The following GALNT13 variants were observed in gnomAD, a reference collection of about 807,000 sequenced individuals.
GALNT13 encodes the protein UDP-GalNAc:polypeptide N-acetylgalactosaminyltransferase 13.
In GALNT13, 28 loss-of-function variants were observed where a neutral mutation model predicts 64.2. The observed-to-expected ratio is 0.44, with a 90% CI of 0.32 to 0.60. The LOEUF is 0.60. GALNT13 is among the 20% of genes least tolerant of loss of function. The pLI, the probability that GALNT13 is intolerant of heterozygous loss-of-function variation, is 0.05. For missense variants in GALNT13, 577 were observed against 669.8 expected (o/e 0.86, Z 1.53); for synonymous variants, 214 against 224.6 (o/e 0.95, Z 0.42).
chr2:154,312,221 G>C (rs963345245), intron 9 of GALNT13, among the ~76,000 whole-genome samples: 1 of 152,028 alleles, frequency 6.6e-6, no homozygotes, highest in Non-Finnish European at 1.5e-5. Flanking sequence ...TATTAATTTG[G>C]GGAACTAATA....
the GALNT13 span, among the ~76,000 whole-genome samples, chr2:153,278,822 T>C: frequency 0.018 from 2,797 of 152,248 alleles, 82 homozygotes; most frequent in African/African-American, 0.064. Flanking sequence ...TGCTTAGGAA[T>C]GCTTTGACTA....
At chr2:154,025,222 A>G (rs775603028) in intron 3 of GALNT13, among the ~76,000 whole-genome samples, 6 of 152,100 alleles carry the variant, frequency 3.9e-5, no homozygotes, top group African/African-American at 1.4e-4. Context: ...TTCCAAGCTC[A>G]GTTGGAAATG....
intron 4 of GALNT13, among the ~76,000 whole-genome samples, chr2:154,176,240 ATTAT>A (rs3075864): frequency 0.28 from 37,607 of 132,444 alleles, 5,332 homozygotes; most frequent in Non-Finnish European, 0.3. Context: ...GAACATATAT[ATTAT>A]TTATTTATTT....
chr2:153,492,166 C>G, the GALNT13 span, among the ~76,000 whole-genome samples: 1 of 152,120 alleles, frequency 6.6e-6, no homozygotes, highest in Non-Finnish European at 1.5e-5. Context: ...CAAATCCAAC[C>G]ATTCAAACAC....
intron 3 of GALNT13, among the ~76,000 whole-genome samples, chr2:154,048,089 C>T (rs2105340416): frequency 6.6e-6 from 1 of 152,270 alleles, no homozygotes; most frequent in East Asian, 1.9e-4. Flanking sequence ...AAGTTTTAAC[C>T]ATGGCAGAAG....
the GALNT13 span, among the ~76,000 whole-genome samples, chr2:153,446,135 G>A: frequency 1.3e-5 from 2 of 152,228 alleles, no homozygotes; most frequent in Admixed American, 1.3e-4. Flanking sequence ...CTGTTACTTG[G>A]GACTATTGAG....
intron 3 of GALNT13, among the ~76,000 whole-genome samples, chr2:154,054,783 T>C (rs1238853166): frequency 6.6e-6 from 1 of 152,004 alleles, no homozygotes; most frequent in African/African-American, 2.4e-5. Context: ...ATCAATCAAG[T>C]TAACAAAATT....
Position 154,133,239 on chromosome 2 carries a change from G to A in GALNT13, c.143-7098G>A, listed in dbSNP as rs1236166761. ...GTTGAGGTATTGTTGAGACTCCTTT[G>A]TAGTAGTTATACAAAATATTATTTT... On this transcript the variant is annotated intron_variant, in intron 3 of 12. Coordinates refer to ENST00000392825, the MANE Select transcript of GALNT13 (RefSeq NM_052917.4). Among the ~76,000 whole-genome samples, 6 of 152,018 alleles carry A rather than the reference G, an allele frequency of 3.9e-5. No homozygotes were observed. The South Asian group carries it at 1.0e-3, about 26-fold the overall frequency.
At chr2:153,848,593 A>G in the GALNT13 span, among the ~76,000 whole-genome samples, 4 of 152,170 alleles carry the variant, frequency 2.6e-5, no homozygotes, top group Non-Finnish European at 5.9e-5. Context: ...TCTGTCAAGA[A>G]ATTAAAGGAA....
chr2:153,240,790 T>C, the GALNT13 span, among the ~76,000 whole-genome samples: 1 of 152,096 alleles, frequency 6.6e-6, no homozygotes, highest in Non-Finnish European at 1.5e-5. Flanking sequence ...AGGGTGTCTG[T>C]AATGAGTATC....
At chr2:153,345,719 G>GTCCTTCCTTCCTTCCTTCCTTCCTTCCT in the GALNT13 span, among the ~76,000 whole-genome samples, 18 of 80,010 alleles carry the variant, frequency 2.2e-4, no homozygotes, top group South Asian at 2.4e-3. Flanking sequence ...CTCTCTTTCT[G>GTCCTTCCTTCCTTCCTTCCTTCCTTCCT]TCCTTCCTTC....
chr2:153,906,795 G>C (rs1332259729), intron 2 of GALNT13, among the ~76,000 whole-genome samples: 2 of 151,788 alleles, frequency 1.3e-5, no homozygotes, highest in East Asian at 3.9e-4. Context: ...GGTATTTCTA[G>C]TTCTAGATCC....
At chr2:154,136,245 T>C (rs964622014) in intron 3 of GALNT13, among the ~76,000 whole-genome samples, 16 of 152,182 alleles carry the variant, frequency 1.1e-4, no homozygotes, top group Admixed American at 7.9e-4. Flanking sequence ...ATTTGAAAGA[T>C]TTTTTTGACA....
the GALNT13 span, among the ~76,000 whole-genome samples, chr2:153,110,777 A>G: frequency 6.6e-6 from 1 of 152,144 alleles, no homozygotes; most frequent in African/African-American, 2.4e-5. Context: ...GCTGTAATAT[A>G]TTGCTTTCTT....
intron 8 of GALNT13, among the ~76,000 whole-genome samples, chr2:154,271,865 T>C (rs968739898): frequency 2.6e-5 from 4 of 151,830 alleles, no homozygotes; most frequent in African/African-American, 9.7e-5. Context: ...CAATGATGTA[T>C]GGATAAAAAT....
At chr2:153,414,395 A>T in the GALNT13 span, among the ~76,000 whole-genome samples, 8 of 151,780 alleles carry the variant, frequency 5.3e-5, no homozygotes, top group South Asian at 2.1e-4. Context: ...ATAAAAAAAA[A>T]ATAAAATAAA....
At chr2:153,690,103 C>T in the GALNT13 span, among the ~76,000 whole-genome samples, 11 of 151,994 alleles carry the variant, frequency 7.2e-5, no homozygotes, top group Non-Finnish European at 1.6e-4. Flanking sequence ...TTAATTTCAG[C>T]AGTTGTATTT....
the GALNT13 span, among the ~76,000 whole-genome samples, chr2:153,696,083 A>G: frequency 6.6e-6 from 1 of 152,266 alleles, no homozygotes; most frequent in Admixed American, 6.5e-5. Flanking sequence ...ACAATAGGCC[A>G]TCTGCAAGCT....
At chr2:154,170,694 A>C (rs1685299628) in intron 4 of GALNT13, among the ~76,000 whole-genome samples, 1 of 152,186 alleles carries the variant, frequency 6.6e-6, no homozygotes. Context: ...GGAATTAAAT[A>C]AGATAAAATA....
Sources: allele counts gnomAD v4.1 joint callset (sites outside exome capture counted in the v4.1 genomes callset), GRCh38; gene constraint gnomAD v4.1.1; transcripts MANE v1.5; gene names NCBI Gene and HGNC (gene_info 2026-07-23, HGNC 2026-07-21).